Variants in LRP1B observed in about 807,000 individuals in gnomAD.
LRP1B encodes the protein low-density lipoprotein receptor-related protein 1B.
In LRP1B, 217 loss-of-function variants were observed where a neutral mutation model predicts 556.6. The ratio of observed to expected loss-of-function variants is 0.39; its 90% CI spans 0.35 to 0.44. The LOEUF is 0.44. Ranked by LOEUF, LRP1B falls within the 20% of genes least tolerant of loss-of-function variation. LRP1B has a pLI of 1.00. For missense variants in LRP1B, 5,053 were observed against 5,620.8 expected, an observed-to-expected ratio of 0.90 and a Z score of 3.23; for synonymous variants, 2,047 against 1,865.8, an observed-to-expected ratio of 1.10 and a Z score of -2.50.
chr2:140,969,442 C>T (rs1240927432), intron 18 of LRP1B, among the ~76,000 whole-genome samples: 1 of 143,866 alleles, frequency 7.0e-6, no homozygotes, highest in Non-Finnish European at 1.5e-5. Context: ...AGATGGGTCT[C>T]CTGAATACAG....
chr2:140,932,758 A>C (rs1429337), intron 20 of LRP1B, among the ~76,000 whole-genome samples: 17,071 of 150,178 alleles, frequency 0.11, 1,073 homozygotes, highest in Middle Eastern at 0.16. Flanking sequence ...ATGCACCTGT[A>C]GTCCCAGCTA....
At chr2:141,265,995 G>A (rs1290435183) in intron 3 of LRP1B, among the ~76,000 whole-genome samples, 1 of 152,156 alleles carries the variant, frequency 6.6e-6, no homozygotes, top group Non-Finnish European at 1.5e-5. Context: ...ATGAGTGGAA[G>A]TGATATGCAT....
At position 141,422,153 on chromosome 2, in the gene LRP1B, C is replaced by T. The variant is rs13400159; in HGVS notation, c.343+58243G>A. On this transcript the variant is annotated intron_variant, in intron 3 of 90. Coordinates refer to ENST00000389484, the MANE Select transcript of LRP1B (RefSeq NM_018557.3). The stretch of plus-strand genomic sequence containing the variant: ...CTACAAAATAAAGATAACAAGAGTA[C>T]CTGTCAGATACAGTTATAACAAAAG... 9.3e-3 allele frequency among the ~76,000 whole-genome samples: 1,421 copies of T among 152,234 alleles called. 18 individuals are homozygous for T. Among genetic ancestry groups the T allele is most frequent in the African/African-American group, 0.033 (1,359 of 41,548 alleles).
intron 66 of LRP1B, among the ~76,000 whole-genome samples, chr2:140,421,607 G>A (rs1685448284): frequency 4.6e-5 from 7 of 152,082 alleles, no homozygotes; most frequent in Admixed American, 4.6e-4. Context: ...GCAAAAATGG[G>A]TGTTTGGGTC....
At chr2:141,186,161 T>C (rs747219887) in intron 7 of LRP1B, among the ~76,000 whole-genome samples, 1 of 151,356 alleles carries the variant, frequency 6.6e-6, no homozygotes. Context: ...AGGCAAATTT[T>C]TCTCCATTTT....
intron 20 of LRP1B, among the ~76,000 whole-genome samples, chr2:140,939,882 G>A (rs925385360): frequency 2.0e-4 from 23 of 112,652 alleles, no homozygotes; most frequent in African/African-American, 7.3e-4. Flanking sequence ...ATTATTTGGT[G>A]TAATTTTTTT....
intron 47 of LRP1B, among the ~76,000 whole-genome samples, chr2:140,530,497 G>A (rs755304958): frequency 2.0e-4 from 31 of 152,064 alleles, no homozygotes; most frequent in Non-Finnish European, 3.5e-4. Context: ...ACCCAGGGAA[G>A]TCTTCCTTCT....
chr2:141,647,113 G>A (rs1252240605), intron 2 of LRP1B, among the ~76,000 whole-genome samples: 4 of 152,078 alleles, frequency 2.6e-5, no homozygotes, highest in African/African-American at 9.7e-5. Context: ...GAAGAAGAAG[G>A]GAATATGAGA....
intron 3 of LRP1B, among the ~76,000 whole-genome samples, chr2:141,294,139 A>C (rs1444660849): frequency 6.6e-6 from 1 of 152,172 alleles, no homozygotes; most frequent in Non-Finnish European, 1.5e-5. Context: ...AAATTATGAG[A>C]GTAGAGGTGA....
intron 87 of LRP1B, among the ~76,000 whole-genome samples, chr2:140,243,840 C>T (rs185377138): frequency 1.3e-5 from 2 of 151,278 alleles, no homozygotes; most frequent in Non-Finnish European, 3.0e-5. Flanking sequence ...ATTCTTGTAC[C>T]TTGAGCCTCA....
At chr2:142,064,477 C>A (rs1018292240) in intron 1 of LRP1B, among the ~76,000 whole-genome samples, 1 of 151,534 alleles carries the variant, frequency 6.6e-6, no homozygotes, top group African/African-American at 2.4e-5. Context: ...GAAGGCATAA[C>A]AGTGAATCTA....
chr2:140,982,772 G>A (rs1029777047), intron 17 of LRP1B, among the ~76,000 whole-genome samples: 3 of 151,906 alleles, frequency 2.0e-5, no homozygotes, highest in Admixed American at 1.3e-4. Flanking sequence ...CATTTTTAAT[G>A]CATTTATTTC....
chr2:141,581,974 A>T (rs954937797), intron 2 of LRP1B, among the ~76,000 whole-genome samples: 1 of 152,210 alleles, frequency 6.6e-6, no homozygotes, highest in South Asian at 2.1e-4. Flanking sequence ...TGGAAAATAC[A>T]TATAAAATTA....
chr2:140,695,099 TTTC>T (rs923782595), intron 41 of LRP1B, among the ~76,000 whole-genome samples: 2 of 151,618 alleles, frequency 1.3e-5, no homozygotes, highest in African/African-American at 4.8e-5. Context: ...TTAAGCTGTC[TTTC>T]TTAAGAATCC....
chr2:140,682,823 C>A (rs1441461), intron 41 of LRP1B, among the ~76,000 whole-genome samples: 131,169 of 152,076 alleles, frequency 0.86, 56,689 homozygotes, highest in Non-Finnish European at 0.89. Flanking sequence ...GACAGAATGG[C>A]CCAACCAATA....
chr2:141,031,065 T>C (rs940876567), intron 11 of LRP1B, among the ~76,000 whole-genome samples: 2 of 151,958 alleles, frequency 1.3e-5, no homozygotes, highest in Non-Finnish European at 2.9e-5. Flanking sequence ...ATAATTGATA[T>C]GAAATGTCTG....
At chr2:142,020,392 G>A (rs1024148153) in intron 1 of LRP1B, among the ~76,000 whole-genome samples, 22 of 152,172 alleles carry the variant, frequency 1.4e-4, no homozygotes, top group African/African-American at 5.3e-4. Context: ...ATTTGATGTA[G>A]GACCTTGAAC....
At chr2:141,884,701 T>C (rs1366552171) in intron 1 of LRP1B, among the ~76,000 whole-genome samples, 1 of 152,230 alleles carries the variant, frequency 6.6e-6, no homozygotes, top group Non-Finnish European at 1.5e-5. Flanking sequence ...GTCTGGAATG[T>C]CATAGCTAAA....
chr2:142,125,834 C>G (rs144119592), intron 1 of LRP1B, among the ~76,000 whole-genome samples: 4,652 of 151,944 alleles, frequency 0.031, 142 homozygotes, highest in Non-Finnish European at 0.038. Context: ...ACTCTCCCCC[C>G]TCCTCTGCCA....
Sources: allele counts gnomAD v4.1 joint callset (sites outside exome capture counted in the v4.1 genomes callset), GRCh38; gene constraint gnomAD v4.1.1; transcripts MANE v1.5; gene names NCBI Gene and HGNC (gene_info 2026-07-23, HGNC 2026-07-21).